CNTLN: variants seen among roughly 807,000 people sequenced by gnomAD.
CNTLN encodes centlein.
In CNTLN, 212 loss-of-function variants were observed where a neutral mutation model predicts 180.0. The ratio of observed to expected loss-of-function variants is 1.18; its 90% confidence interval spans 1.05 to 1.32. The LOEUF is 1.32. Ranked by LOEUF, CNTLN falls within the 40% of genes most tolerant of loss-of-function variation. The pLI, the probability that CNTLN is intolerant of heterozygous loss-of-function variation, is 0.00. For synonymous variants in CNTLN, 722 were observed against 563.1 expected (o/e 1.28, Z -3.99); for missense variants, 2,095 against 1,610.9 (o/e 1.30, Z -5.14).
intron 8 of CNTLN, among the ~76,000 whole-genome samples, chr9:17,321,033 A>G (rs904234113): frequency 1.3e-5 from 2 of 152,300 alleles, no homozygotes; most frequent in African/African-American, 2.4e-5. Flanking sequence ...TTGTTTTTCA[A>G]AACAAATTTA....
At chr9:17,419,172 T>C (rs1384970858) in intron 18 of CNTLN, among the ~76,000 whole-genome samples, 1 of 152,140 alleles carries the variant, frequency 6.6e-6, no homozygotes, top group East Asian at 1.9e-4. Flanking sequence ...GTGTTACATA[T>C]AGATAGTATT....
At chr9:17,372,240 A>C (rs1422588487) in intron 13 of CNTLN, among the ~76,000 whole-genome samples, 1 of 152,190 alleles carries the variant, frequency 6.6e-6, no homozygotes, top group Non-Finnish European at 1.5e-5. Context: ...AAGAGAACAC[A>C]AATAAATATC....
rs79073156 is a variant in CNTLN at position 17,436,124 on chromosome 9, G to T, written c.3114+19935G>T. On this transcript the variant is annotated intron_variant, in intron 18 of 25. Coordinates refer to ENST00000380647, the MANE Select transcript of CNTLN (RefSeq NM_017738.4). ...GCAAGAATATGCTTTACCTAATTTT[G>T]TATGTTCTATAGTGCCCACACCATA... Among the ~76,000 whole-genome samples, 66 of 152,114 alleles carry T rather than the reference G, an allele frequency of 4.3e-4. 1 individual carries two copies. The highest frequency in any genetic ancestry group is 1.5e-3 in the African/African-American group (62 of 41,488).
intron 3 of CNTLN, among the ~76,000 whole-genome samples, chr9:17,234,901 A>G (rs1305569086): frequency 6.6e-6 from 1 of 152,216 alleles, no homozygotes; most frequent in Non-Finnish European, 1.5e-5. Context: ...AGTTTGAGAT[A>G]GTAGACAATC....
chr9:17,135,351 G>A lies in CNTLN; in HGVS notation c.286G>A (p.Glu96Lys), dbSNP rs1348590581. Reference protein sequence around the residue: ...SRRLEGISVEEAMVTRTQLLE... With the variant: ...SRRLEGISVEKAMVTRTQLLE... ...ACGGCTAGAGGGCATCTCGGTAGAG[G>A]AGGCGATGGTGACCCGGACGCAGCT... Residue 96 changes from glutamate (E) to lysine (K), a missense_variant, in exon 1 of 26, where the codon GAG becomes AAG. Transcript: ENST00000380647. The A allele has an allele frequency of 1.9e-6, 3 of 1,601,330 alleles. No individual in the cohort carries two copies. Among genetic ancestry groups the A allele is most frequent in the South Asian group, 1.1e-5 (1 of 88,322 alleles).
At chr9:17,379,943 G>T (rs1221084157) in intron 13 of CNTLN, among the ~76,000 whole-genome samples, 1 of 152,054 alleles carries the variant, frequency 6.6e-6, no homozygotes, top group African/African-American at 2.4e-5. Flanking sequence ...TAACGTAATG[G>T]GTCTTGAATA....
chr9:17,511,978 C>G, the CNTLN span, among the ~76,000 whole-genome samples: 1 of 152,048 alleles, frequency 6.6e-6, no homozygotes, highest in Non-Finnish European at 1.5e-5. Context: ...TAAAAAGAAC[C>G]CTGCCTAGAG....
chr9:17,343,171 C>T (rs1283594567), intron 12 of CNTLN, among the ~76,000 whole-genome samples: 1 of 152,190 alleles, frequency 6.6e-6, no homozygotes, highest in African/African-American at 2.4e-5. Context: ...TTATAATTCA[C>T]AGGCTATTAT....
At chr9:17,165,726 G>A (rs1161948770) in intron 2 of CNTLN, among the ~76,000 whole-genome samples, 1 of 152,164 alleles carries the variant, frequency 6.6e-6, no homozygotes, top group Non-Finnish European at 1.5e-5. Flanking sequence ...AAAACTGGGG[G>A]AATAAGTGAA....
intron 12 of CNTLN, among the ~76,000 whole-genome samples, chr9:17,343,985 G>C (rs1371217485): frequency 6.6e-6 from 1 of 152,070 alleles, no homozygotes; most frequent in Non-Finnish European, 1.5e-5. Context: ...CGTTTTCAAG[G>C]TTCATCCATG....
chr9:17,323,102 T>G (rs956052931), intron 8 of CNTLN, among the ~76,000 whole-genome samples: 1 of 152,192 alleles, frequency 6.6e-6, no homozygotes. Flanking sequence ...GCCATATGCT[T>G]TAACTGTTCT....
intron 13 of CNTLN, among the ~76,000 whole-genome samples, chr9:17,375,805 G>A (rs1408149320): frequency 6.6e-6 from 1 of 152,004 alleles, no homozygotes; most frequent in Non-Finnish European, 1.5e-5. Context: ...ACCAGTAACG[G>A]GGAATGTCTC....
chr9:17,283,823 GA>G (rs1221027710), intron 6 of CNTLN, among the ~76,000 whole-genome samples: 1 of 151,944 alleles, frequency 6.6e-6, no homozygotes, highest in Non-Finnish European at 1.5e-5. Flanking sequence ...GAATTTTATC[GA>G]AGGCCTTTTC....
At chr9:17,366,116 G>T (rs534673693) in intron 12 of CNTLN, among the ~76,000 whole-genome samples, 1 of 152,082 alleles carries the variant, frequency 6.6e-6, no homozygotes, top group South Asian at 2.1e-4. Context: ...TTGGATTTGG[G>T]CATATTATTA....
At chr9:17,401,418 G>A (rs546600848) in intron 15 of CNTLN, among the ~76,000 whole-genome samples, 1 of 151,968 alleles carries the variant, frequency 6.6e-6, no homozygotes, top group East Asian at 1.9e-4. Context: ...CTGTTTCCCA[G>A]GCTGGAGTGC....
chr9:17,139,720 T>C (rs1434180366), intron 1 of CNTLN, among the ~76,000 whole-genome samples: 1 of 152,180 alleles, frequency 6.6e-6, no homozygotes, highest in Non-Finnish European at 1.5e-5. Context: ...GTTTTCATTT[T>C]ATTTGTGACA....
At chr9:17,376,997 T>C (rs1391651620) in intron 13 of CNTLN, among the ~76,000 whole-genome samples, 2 of 152,204 alleles carry the variant, frequency 1.3e-5, no homozygotes, top group Admixed American at 6.5e-5. Context: ...CTATGCAAGA[T>C]GGAAAACCCA....
intron 2 of CNTLN, among the ~76,000 whole-genome samples, chr9:17,154,710 A>G (rs1016422656): frequency 4.6e-5 from 7 of 152,172 alleles, no homozygotes; most frequent in Non-Finnish European, 1.0e-4. Context: ...AAGGTTTGTA[A>G]ATGCACCAAT....
At chr9:17,415,009 C>A (rs1828118624) in intron 16 of CNTLN, among the ~76,000 whole-genome samples, 1 of 151,902 alleles carries the variant, frequency 6.6e-6, no homozygotes, top group African/African-American at 2.4e-5. Context: ...TTGCTTGAAC[C>A]TGGGAGGCGG....
Sources: allele counts gnomAD v4.1 joint callset (sites outside exome capture counted in the v4.1 genomes callset), GRCh38; gene constraint gnomAD v4.1.1; transcripts MANE v1.5; gene names NCBI Gene and HGNC (gene_info 2026-07-23, HGNC 2026-07-21).